The following MID1 variants were observed in gnomAD, a reference collection of about 807,000 sequenced individuals.
MID1 encodes the protein midline 1.
A neutral mutation model predicts 40.4 loss-of-function variants in MID1; 7 were observed. That is an observed-to-expected ratio of 0.17 (90% CI 0.10 to 0.33). The LOEUF is 0.33. Ranked by LOEUF, MID1 falls within the 10% of genes least tolerant of loss-of-function variation. The pLI is 1.00. For missense variants in MID1, 367 were observed against 558.5 expected, an observed-to-expected ratio of 0.66 and a Z score of 3.46; for synonymous variants, 229 against 221.2, an observed-to-expected ratio of 1.04 and a Z score of -0.31.
At chrX:10,590,071 GC>G (rs1400139379) in intron 1 of MID1, among the ~76,000 whole-genome samples, 6 of 110,728 alleles carry the variant, frequency 5.4e-5, no homozygotes, top group Non-Finnish European at 1.1e-4. Context: ...GGGGCTGCAT[GC>G]ACTGGTGGTT....
chrX:10,714,001 C>T (rs955158799), intron 1 of MID1, among the ~76,000 whole-genome samples: 4 of 111,580 alleles, frequency 3.6e-5, no homozygotes, highest in Non-Finnish European at 3.8e-5. Context: ...CCTATGACAG[C>T]GGGACTGAGA....
intron 1 of MID1, among the ~76,000 whole-genome samples, chrX:10,626,063 G>A (rs1026503352): frequency 3.6e-5 from 4 of 110,670 alleles, no homozygotes; most frequent in Non-Finnish European, 7.5e-5. Flanking sequence ...TAAGCAATAT[G>A]TGAGGCTATT....
rs1391912798 is a variant in MID1, at chrX:10,662,893, T to C, written c.-186-42474A>G. Among the ~76,000 whole-genome samples the C allele has an allele frequency of 2.7e-5, 3 of 111,165 alleles. No homozygotes were observed. In the East Asian group the frequency reaches 8.5e-4, roughly 31 times the overall value. On this transcript the variant is annotated intron_variant, in intron 1 of 10. Transcript: ENST00000380785. ...CCAGATTCCACATCCTTGCTCAGAG[T>C]ACTTCATTCTGGCCCACAATCTCTA... is the stretch of plus-strand genomic sequence containing the variant.
At chrX:10,777,563 G>A (rs2043813565) in intron 1 of MID1, among the ~76,000 whole-genome samples, 2 of 100,732 alleles carry the variant, frequency 2.0e-5, no homozygotes, top group Admixed American at 2.2e-4. Context: ...TTTTTTTAAC[G>A]GAGTTTCACT....
At chrX:10,600,301 G>GA (rs910719633) in intron 1 of MID1, among the ~76,000 whole-genome samples, 9 of 105,230 alleles carry the variant, frequency 8.6e-5, no homozygotes, top group East Asian at 5.9e-4. Context: ...TCTCAACAAA[G>GA]AAAAAAAAAA....
intron 1 of MID1, among the ~76,000 whole-genome samples, chrX:10,719,717 C>CA (rs2147095518): frequency 9.0e-6 from 1 of 110,803 alleles, no homozygotes; most frequent in South Asian, 3.9e-4. Flanking sequence ...CATATGGAAC[C>CA]AAAAAAGAGC....
intron 1 of MID1, among the ~76,000 whole-genome samples, chrX:10,587,205 T>C (rs1031917835): frequency 8.9e-6 from 1 of 112,626 alleles, no homozygotes; most frequent in Non-Finnish European, 1.9e-5. Flanking sequence ...GGATAGCCAA[T>C]TGGACTAAAG....
At chrX:10,615,244 C>A (rs1935819070) in intron 1 of MID1, among the ~76,000 whole-genome samples, 1 of 111,748 alleles carries the variant, frequency 8.9e-6, no homozygotes, top group South Asian at 3.7e-4. Context: ...GCTACTGGTA[C>A]AATAAATTGT....
intron 1 of MID1, among the ~76,000 whole-genome samples, chrX:10,591,649 T>C (rs1935302647): frequency 9.0e-6 from 1 of 110,581 alleles, no homozygotes; most frequent in South Asian, 3.9e-4. Context: ...AACATCACAG[T>C]CCAAAGAGGG....
At chrX:10,634,888 A>T (rs1936092410) in intron 1 of MID1, among the ~76,000 whole-genome samples, 1 of 111,244 alleles carries the variant, frequency 9.0e-6, no homozygotes, top group African/African-American at 3.3e-5. Flanking sequence ...GGGCCACGTT[A>T]TGATTTTCTG....
intron 2 of MID1, among the ~76,000 whole-genome samples, chrX:10,533,607 G>C (rs1239212716): frequency 1.8e-5 from 2 of 111,379 alleles, no homozygotes; most frequent in Non-Finnish European, 3.8e-5. Flanking sequence ...TGGGAGTGTA[G>C]GAGGATGCCT....
At chrX:10,557,114 A>G (rs1414125212) in intron 2 of MID1, among the ~76,000 whole-genome samples, 2 of 111,794 alleles carry the variant, frequency 1.8e-5, no homozygotes, top group Non-Finnish European at 3.8e-5. Context: ...GTCTGGGTCC[A>G]TGTACATGAA....
intron 3 of MID1, among the ~76,000 whole-genome samples, chrX:10,516,898 A>T (rs1476995023): frequency 9.0e-6 from 1 of 111,335 alleles, no homozygotes. Context: ...GATTACAGGC[A>T]TGAGCCACAG....
intron 1 of MID1, among the ~76,000 whole-genome samples, chrX:10,613,264 T>C (rs1267513948): frequency 9.0e-6 from 1 of 111,579 alleles, no homozygotes; most frequent in Non-Finnish European, 1.9e-5. Flanking sequence ...GTCCTGTTGT[T>C]TCCATAAACT....
chrX:10,758,139 T>G (rs777421506), intron 1 of MID1, among the ~76,000 whole-genome samples: 2 of 104,713 alleles, frequency 1.9e-5, no homozygotes, highest in East Asian at 5.9e-4. Context: ...TTTTTTTTTT[T>G]TTGTTTTGTA....
intron 1 of MID1, among the ~76,000 whole-genome samples, chrX:10,811,393 T>C (rs781318671): frequency 1.2e-4 from 13 of 112,409 alleles, no homozygotes; most frequent in African/African-American, 3.5e-4. Flanking sequence ...TACTAACACA[T>C]TGACTCCATT....
At chrX:10,503,080 T>C (rs1263156929) in intron 3 of MID1, among the ~76,000 whole-genome samples, 1 of 110,858 alleles carries the variant, frequency 9.0e-6, no homozygotes, top group African/African-American at 3.3e-5. Context: ...GGGAGAAAAC[T>C]GTATGCAAGT....
intron 6 of MID1, among the ~76,000 whole-genome samples, chrX:10,470,864 T>C (rs768509556): frequency 8.9e-6 from 1 of 112,175 alleles, no homozygotes; most frequent in South Asian, 3.7e-4. Context: ...GTGCTTTGCA[T>C]TGTAAATAAT....
chrX:10,533,366 A>AAG (rs1356241677), intron 2 of MID1, among the ~76,000 whole-genome samples: 11 of 86,553 alleles, frequency 1.3e-4, no homozygotes, highest in African/African-American at 4.0e-4. Context: ...GAAAGAAAGA[A>AAG]AGAAAGAAAG....
Sources: gnomAD v4.1 joint callset for allele counts (sites outside exome capture counted in the v4.1 genomes callset) on GRCh38, gnomAD v4.1.1 for gene constraint, MANE v1.5 for transcripts, NCBI Gene and HGNC (gene_info 2026-07-23, HGNC 2026-07-21) for gene names.